The following DPYD variants were observed in gnomAD, a reference collection of about 807,000 sequenced individuals.
The protein encoded by DPYD is dihydropyrimidine dehydrogenase [NADP(+)].
A neutral mutation model predicts 116.2 loss-of-function variants in DPYD; 109 were observed. That is an observed-to-expected ratio of 0.94 (90% CI 0.80 to 1.10). The LOEUF (loss-of-function observed/expected upper bound fraction) is 1.10. Among genes scored for constraint, DPYD ranks in the 50% least tolerant of loss-of-function variants. The pLI is 0.00. For synonymous variants in DPYD, 440 were observed against 432.0 expected (o/e 1.02, Z -0.23); for missense variants, 1,302 against 1,254.5 (o/e 1.04, Z -0.57).
chr1:97,366,015 G>C (rs1364710872), intron 16 of DPYD, among the ~76,000 whole-genome samples: 2 of 152,134 alleles, frequency 1.3e-5, no homozygotes, highest in Non-Finnish European at 2.9e-5. Context: ...TGATAATTCA[G>C]TTAGATTTAA....
chr1:97,632,953 A>C (rs923307852), intron 8 of DPYD, among the ~76,000 whole-genome samples: 2 of 152,098 alleles, frequency 1.3e-5, no homozygotes, highest in Admixed American at 6.6e-5. Context: ...TACTAAATAA[A>C]ATGTCCCTGG....
At chr1:97,871,481 C>G (rs759236792) in intron 2 of DPYD, among the ~76,000 whole-genome samples, 3 of 151,444 alleles carry the variant, frequency 2.0e-5, no homozygotes, top group Admixed American at 6.6e-5. Flanking sequence ...AAGAGAGCTT[C>G]GGCCAGAGTG....
At chr1:97,677,780 G>A (rs578178088) in intron 8 of DPYD, among the ~76,000 whole-genome samples, 2 of 152,164 alleles carry the variant, frequency 1.3e-5, no homozygotes, top group African/African-American at 2.4e-5. Flanking sequence ...AAATAAAGGG[G>A]CTGACAGGCA....
At chr1:97,708,074 A>G (rs778075938) in intron 5 of DPYD, among the ~76,000 whole-genome samples, 11 of 152,004 alleles carry the variant, frequency 7.2e-5, no homozygotes, top group Non-Finnish European at 1.3e-4. Flanking sequence ...CCTGCATTCA[A>G]GCAAACCTCC....
At position 97,086,689 on chromosome 1, in the gene DPYD, C is replaced by G. The variant is rs551358375; in HGVS notation, c.2767-4219G>C. Among the ~76,000 whole-genome samples, 3 of 151,926 alleles carry G rather than the reference C, an allele frequency of 2.0e-5. No homozygotes were observed. In the East Asian group the frequency reaches 5.8e-4, roughly 29 times the overall value. On this transcript the variant is annotated intron_variant, in intron 21 of 22. Coordinates refer to ENST00000370192, the MANE Select transcript of DPYD (RefSeq NM_000110.4). ...GATGAACCATTGTAAGTCACACTGT[C>G]GTAAAGTAGAAAGAAAAATCATAAG...
intron 13 of DPYD, among the ~76,000 whole-genome samples, chr1:97,489,235 G>C (rs997329878): frequency 1.3e-5 from 2 of 152,192 alleles, no homozygotes; most frequent in African/African-American, 4.8e-5. Context: ...TTTTTGGTAT[G>C]TGCTACATTA....
chr1:97,753,953 T>A (rs1006768402), intron 3 of DPYD, among the ~76,000 whole-genome samples: 11 of 152,146 alleles, frequency 7.2e-5, no homozygotes, highest in African/African-American at 2.7e-4. Context: ...AACAAAATTG[T>A]CCCCATTAAA....
chr1:97,808,162 T>C (rs1253437568), intron 3 of DPYD, among the ~76,000 whole-genome samples: 2 of 152,126 alleles, frequency 1.3e-5, no homozygotes, highest in African/African-American at 4.8e-5. Flanking sequence ...CCTCCTGATA[T>C]TTTGATTGTA....
chr1:97,872,018 G>A (rs988422834), intron 2 of DPYD, among the ~76,000 whole-genome samples: 5 of 151,840 alleles, frequency 3.3e-5, no homozygotes, highest in African/African-American at 1.2e-4. Flanking sequence ...AATGGAGACA[G>A]TAATGGAATC....
chr1:97,525,871 CGT>C (rs536155212), intron 12 of DPYD, among the ~76,000 whole-genome samples: 41,131 of 122,896 alleles, frequency 0.33, 6,393 homozygotes, highest in East Asian at 0.51. Flanking sequence ...TAAGAGTGTG[CGT>C]GTGTGTGTGT....
At chr1:97,629,994 C>A (rs1657156981) in intron 8 of DPYD, among the ~76,000 whole-genome samples, 1 of 151,934 alleles carries the variant, frequency 6.6e-6, no homozygotes, top group Non-Finnish European at 1.5e-5. Flanking sequence ...TTTTTCCACT[C>A]AGTCTTATTG....
intron 16 of DPYD, among the ~76,000 whole-genome samples, chr1:97,312,518 A>G (rs1667580542): frequency 6.6e-6 from 1 of 151,908 alleles, no homozygotes; most frequent in South Asian, 2.1e-4. Flanking sequence ...AAATGTCAAT[A>G]TGGGAAGATT....
At chr1:97,153,301 G>A (rs546754144) in intron 20 of DPYD, among the ~76,000 whole-genome samples, 24 of 152,238 alleles carry the variant, frequency 1.6e-4, no homozygotes, top group African/African-American at 5.5e-4. Context: ...CCTTCCACAT[G>A]ATCTTGTTCA....
At chr1:97,570,335 T>C (rs1481017654) in intron 11 of DPYD, among the ~76,000 whole-genome samples, 1 of 152,038 alleles carries the variant, frequency 6.6e-6, no homozygotes, top group Admixed American at 6.6e-5. Flanking sequence ...GTACTTTATA[T>C]GTACTCTGTC....
intron 16 of DPYD, among the ~76,000 whole-genome samples, chr1:97,367,155 TGGTTTGGATTCTCTTCCTGATGAC>T (rs1406728540): frequency 2.2e-4 from 33 of 152,154 alleles, no homozygotes; most frequent in Non-Finnish European, 4.1e-4. Flanking sequence ...TCCTCACACT[TGGTTTGGATTCTCTTCCTGATGAC>T]GGACGTCTGC....
At chr1:97,592,717 T>C (rs892382607) in intron 10 of DPYD, among the ~76,000 whole-genome samples, 2 of 152,240 alleles carry the variant, frequency 1.3e-5, no homozygotes, top group African/African-American at 4.8e-5. Flanking sequence ...GTAGTGCTTA[T>C]ATTAGAGCAC....
At chr1:97,353,938 T>C (rs1009093637) in intron 16 of DPYD, among the ~76,000 whole-genome samples, 1 of 152,228 alleles carries the variant, frequency 6.6e-6, no homozygotes, top group African/African-American at 2.4e-5. Context: ...CACAGGCTCT[T>C]GAGCCAGATG....
chr1:97,585,308 G>A (rs914081095), intron 10 of DPYD, among the ~76,000 whole-genome samples: 1 of 152,150 alleles, frequency 6.6e-6, no homozygotes, highest in South Asian at 2.1e-4. Context: ...ACAGAAAAGA[G>A]AAATTAAATT....
intron 13 of DPYD, among the ~76,000 whole-genome samples, chr1:97,454,742 T>A (rs1304660789): frequency 6.6e-6 from 1 of 151,916 alleles, no homozygotes; most frequent in African/African-American, 2.4e-5. Context: ...TTCATTTACT[T>A]GACCTCTCTT....
Sources: gnomAD v4.1 joint callset for allele counts (sites outside exome capture counted in the v4.1 genomes callset) on GRCh38, gnomAD v4.1.1 for gene constraint, MANE v1.5 for transcripts, NCBI Gene and HGNC (gene_info 2026-07-23, HGNC 2026-07-21) for gene names.